VSIG1: variants seen among roughly 807,000 people sequenced by gnomAD.
VSIG1 encodes the protein V-set and immunoglobulin domain-containing protein 1.
Under a neutral mutation model 20.1 loss-of-function variants are expected in VSIG1, and 11 were observed. The observed-to-expected ratio is 0.55, with a 90% CI of 0.34 to 0.91. VSIG1 has a LOEUF of 0.91. Among genes scored for constraint, VSIG1 ranks in the 40% least tolerant of loss-of-function variants. The probability of loss-of-function intolerance (pLI) is 0.02; values close to 1 mark genes in which losing one functional copy is unlikely to be tolerated. For missense variants in VSIG1, 283 were observed against 298.8 expected (o/e 0.95, Z 0.39); for synonymous variants, 126 against 116.7 (o/e 1.08, Z -0.52).
chrX:108,031,697 T>G, the VSIG1 span, among the ~76,000 whole-genome samples: 3 of 112,611 alleles, frequency 2.7e-5, no homozygotes, highest in Non-Finnish European at 3.7e-5. Flanking sequence ...ACTATACACA[T>G]CTGTATACTA....
At chrX:108,038,172 T>G in the VSIG1 span, among the ~76,000 whole-genome samples, 2 of 111,493 alleles carry the variant, frequency 1.8e-5, no homozygotes, top group Non-Finnish European at 3.8e-5. Context: ...CATGGTGGTT[T>G]GCAGCACCTA....
intron 1 of VSIG1, among the ~76,000 whole-genome samples, chrX:108,047,821 C>CATATATATATACACATATATATATACAT: frequency 2.3e-5 from 1 of 43,882 alleles, no homozygotes; most frequent in East Asian, 4.9e-4. Context: ...TATATATATA[C>CATATATATATACACATATATATATACAT]ATATATATAC....
intron 5 of VSIG1, among the ~76,000 whole-genome samples, chrX:108,074,861 T>A (rs970883634): frequency 6.3e-5 from 7 of 111,522 alleles, no homozygotes; most frequent in African/African-American, 2.3e-4. Flanking sequence ...ACATGGCATG[T>A]CTCTGAGGGA....
At chrX:108,026,648 G>A in the VSIG1 span, among the ~76,000 whole-genome samples, 1 of 111,251 alleles carries the variant, frequency 9.0e-6, no homozygotes, top group Non-Finnish European at 1.9e-5. Context: ...ATGCTAACTT[G>A]ACTTCAGGAA....
chrX:108,042,172 A>G (rs1435568985), upstream of VSIG1, among the ~76,000 whole-genome samples: 3 of 112,275 alleles, frequency 2.7e-5, no homozygotes, highest in Non-Finnish European at 5.6e-5. Context: ...TTGTTATAAC[A>G]GAATTCTTCC....
intron 2 of VSIG1, among the ~76,000 whole-genome samples, chrX:108,059,054 C>A (rs1329739827): frequency 8.9e-6 from 1 of 111,784 alleles, no homozygotes; most frequent in Non-Finnish European, 1.9e-5. Flanking sequence ...TGGAAAAGGT[C>A]TGTAGCTTTC....
At chrX:108,036,576 C>T in the VSIG1 span, among the ~76,000 whole-genome samples, 1 of 112,098 alleles carries the variant, frequency 8.9e-6, no homozygotes, top group Non-Finnish European at 1.9e-5. Context: ...GGCTACTCAG[C>T]ACAAGCTGAC....
chrX:108,036,029 A>G, the VSIG1 span, among the ~76,000 whole-genome samples: 1 of 100,384 alleles, frequency 1.0e-5, no homozygotes, highest in Non-Finnish European at 2.0e-5. Context: ...AACACAATGC[A>G]TAAGAAATGC....
chrX:108,058,191 AGC>A lies in VSIG1; in HGVS notation c.204_205del (p.Glu68AspfsTer19). The A allele has an allele frequency of 8.3e-7, 1 of 1,205,451 alleles. No individual in the cohort carries two copies. Among genetic ancestry groups the A allele is most frequent in the Non-Finnish European group, 1.1e-6 (1 of 892,759 alleles). On this transcript the variant is annotated frameshift_variant, in exon 2 of 7. Coordinates refer to ENST00000217957, the MANE Select transcript of VSIG1 (RefSeq NM_182607.5). LOFTEE classifies it high-confidence loss of function. ...TCTTTCTTCCATAAGAAGGAGATGG[AGC>A]CAATTTCTGTAAGGACACTTTTTCC...
intron 2 of VSIG1, chrX:108,061,559 A>G (rs1185714715): frequency 9.0e-6 from 10 of 1,111,755 alleles, no homozygotes; most frequent in Non-Finnish European, 1.1e-5. Flanking sequence ...TTGGTGTACT[A>G]CTGGACTTCT....
chrX:108,036,404 T>G, the VSIG1 span, among the ~76,000 whole-genome samples: 1 of 110,780 alleles, frequency 9.0e-6, no homozygotes. Flanking sequence ...CCAAGCAATC[T>G]ATGACATGTG....
chrX:108,057,954 A>T (rs2030937703), intron 1 of VSIG1, 84 bp from the exon 2 acceptor site: 2 of 927,077 alleles, frequency 2.2e-6, no homozygotes, highest in African/African-American at 4.0e-5. Flanking sequence ...CTCAAATAGG[A>T]TGTCTTTGTA....
the VSIG1 span, among the ~76,000 whole-genome samples, chrX:108,023,591 A>AT: frequency 3.6e-5 from 4 of 111,313 alleles, no homozygotes; most frequent in Non-Finnish European, 5.7e-5. Flanking sequence ...CTTTGTTGGC[A>AT]TTTTTTTTAA....
rs2030659703 is a variant in VSIG1, at chrX:108,047,921, CATATATATATATACACATATATATATAT to C, written c.49+2748_49+2775del. On this transcript the variant is annotated intron_variant, in intron 1 of 6. Coordinates refer to ENST00000217957, the MANE Select transcript of VSIG1 (RefSeq NM_182607.5). Reference sequence around the variant, plus strand: ...ATATATATACACATATATATATACACATATATATATATACACATATATATATATATATACACACACATATATATATATA... The same window carrying C: ...ATATATATACACATATATATATACACATATACACACACATATATATATATA... Among the ~76,000 whole-genome samples, 6 of 60,899 alleles carry C rather than the reference CATATATATATATACACATATATATATAT, an allele frequency of 9.9e-5. 2 individuals carry two copies. Among genetic ancestry groups the C allele is most frequent in the African/African-American group, 5.4e-4 (6 of 11,151 alleles). 52.9% of individuals were successfully genotyped at this position (60,899 alleles called of 115,157 possible). A position where few individuals can be genotyped will look rare whatever the true frequency, so the allele number is the denominator to read the frequency against.
intron 3 of VSIG1, among the ~76,000 whole-genome samples, chrX:108,070,298 T>A (rs930125998): frequency 8.9e-6 from 1 of 112,014 alleles, no homozygotes; most frequent in African/African-American, 3.2e-5. Context: ...AAATGGTAGA[T>A]CAATGGCTTT....
intron 3 of VSIG1, among the ~76,000 whole-genome samples, chrX:108,072,025 A>G (rs1480262643): frequency 9.0e-6 from 1 of 110,764 alleles, no homozygotes; most frequent in Non-Finnish European, 1.9e-5. Flanking sequence ...CTTTTAAAGC[A>G]TAAACTATAT....
At chrX:108,046,746 T>C (rs10218100) in intron 1 of VSIG1, among the ~76,000 whole-genome samples, 5,532 of 111,534 alleles carry the variant, frequency 0.05, 123 homozygotes, top group East Asian at 0.095. Context: ...ATTTTAAAAA[T>C]TGGGTTTATT....
chrX:108,019,593 C>A, the VSIG1 span, among the ~76,000 whole-genome samples: 1 of 112,137 alleles, frequency 8.9e-6, no homozygotes, highest in African/African-American at 3.2e-5. Flanking sequence ...GCAGCAGTTG[C>A]AGGCAGTGGA....
At chrX:108,061,961 A>G (rs2031037285) in intron 2 of VSIG1, among the ~76,000 whole-genome samples, 1 of 110,509 alleles carries the variant, frequency 9.0e-6, no homozygotes, top group Admixed American at 9.6e-5. Context: ...ATTCATTAGC[A>G]TGGTCCTTCT....
Sources: gnomAD v4.1 joint callset for allele counts (sites outside exome capture counted in the v4.1 genomes callset) on GRCh38, gnomAD v4.1.1 for gene constraint, MANE v1.5 for transcripts, NCBI Gene and HGNC (gene_info 2026-07-23, HGNC 2026-07-21) for gene names.